TAOK3: variants seen among roughly 807,000 people sequenced by gnomAD.
TAOK3 encodes TAO kinase 3.
In TAOK3, 40 loss-of-function variants were observed where a neutral mutation model predicts 120.4. The observed-to-expected ratio is 0.33, with a 90% CI of 0.26 to 0.43. TAOK3 has a LOEUF of 0.43. TAOK3 is among the 20% of genes least tolerant of loss of function. TAOK3 has a pLI of 1.00. For synonymous variants in TAOK3, 355 were observed against 387.5 expected (o/e 0.92, Z 0.99); for missense variants, 821 against 1,112.1 (o/e 0.74, Z 3.72).
At chr12:118,283,741 A>AAAC (rs894227981) in intron 1 of TAOK3, 23 of 205,358 alleles carry the variant, frequency 1.1e-4, no homozygotes, top group East Asian at 7.8e-4. Context: ...AAACAAAACA[A>AAAC]AACAACAACA....
intron 1 of TAOK3, among the ~76,000 whole-genome samples, chr12:118,367,173 A>G (rs1168606081): frequency 6.6e-6 from 1 of 152,350 alleles, no homozygotes. Flanking sequence ...CTAATCTCTG[A>G]TAACAAATAA....
intron 9 of TAOK3, among the ~76,000 whole-genome samples, chr12:118,226,307 C>T (rs571932765): frequency 4.9e-4 from 75 of 152,090 alleles, no homozygotes; most frequent in Non-Finnish European, 9.4e-4. Context: ...ACCCGGGAGG[C>T]GGAGCTTGCA....
intron 9 of TAOK3, among the ~76,000 whole-genome samples, chr12:118,225,016 G>A (rs1164852709): frequency 6.6e-6 from 1 of 152,068 alleles, no homozygotes; most frequent in Non-Finnish European, 1.5e-5. Flanking sequence ...GGGAGGCTGA[G>A]GTGGGTGGAT....
chr12:118,288,968 G>A (rs1487153624), intron 1 of TAOK3, among the ~76,000 whole-genome samples: 1 of 148,894 alleles, frequency 6.7e-6, no homozygotes, highest in East Asian at 2.0e-4. Context: ...GCATGCTTAG[G>A]AACTATTTGG....
chr12:118,200,436 T>A (rs915647395), intron 12 of TAOK3: 1 of 152,156 alleles, frequency 6.6e-6, no homozygotes, highest in African/African-American at 2.4e-5. Context: ...TGCTGCCCAC[T>A]CTTACTTTTC....
At chr12:118,356,462 G>A (rs1290588629) in intron 1 of TAOK3, among the ~76,000 whole-genome samples, 1 of 151,898 alleles carries the variant, frequency 6.6e-6, no homozygotes, top group Non-Finnish European at 1.5e-5. Flanking sequence ...ACCACGCCCA[G>A]CTAATTTTTG....
At chr12:118,220,154 C>A (rs75526065) in intron 9 of TAOK3, among the ~76,000 whole-genome samples, 3,056 of 151,920 alleles carry the variant, frequency 0.02, 101 homozygotes, top group African/African-American at 0.07. Flanking sequence ...GCGATCCTCC[C>A]ACCTTAGCCT....
At chr12:118,277,659 C>T (rs1459156792) in intron 1 of TAOK3, among the ~76,000 whole-genome samples, 1 of 151,942 alleles carries the variant, frequency 6.6e-6, no homozygotes, top group Non-Finnish European at 1.5e-5. Context: ...CAAGGTGTCA[C>T]CATACTGGCC....
At chr12:118,356,410 A>G (rs2045396598) in intron 1 of TAOK3, among the ~76,000 whole-genome samples, 1 of 147,050 alleles carries the variant, frequency 6.8e-6, no homozygotes. Context: ...AGTGATTCTC[A>G]TGTCTCAGCC....
rs375879690 is a variant in TAOK3 at position 118,161,850 on chromosome 12, G to A, written c.2077C>T (p.Arg693Ter). The A allele has an allele frequency of 1.2e-6, 2 of 1,614,006 alleles. No homozygotes were observed. The highest frequency in any genetic ancestry group is 8.5e-7 in the Non-Finnish European group (1 of 1,180,028). The change falls in exon 18 of 21, where the codon CGA becomes TGA. Residue 693 changes from arginine (R) to a stop codon, truncating the protein, a stop_gained. Coordinates refer to ENST00000392533, the MANE Select transcript of TAOK3 (RefSeq NM_016281.4). LOFTEE classifies it high-confidence loss of function. This position sits in a 1 kb window ranked among gnomAD's most constrained non-coding sequence, Gnocchi z 4.5. ...LENQLEYNKR[R>*]ERELHRKHVM... ...TGCTTTCTGTGCAGTTCTCTTTCTC[G>A]CCTCTTATTGTACTCCAGCTGGTTT...
At chr12:118,243,385 G>T in intron 5 of TAOK3, 30 bp downstream of exon 5, 1 of 1,202,802 alleles carries the variant, frequency 8.3e-7, no homozygotes, top group Non-Finnish European at 1.2e-6. Context: ...AAATGTAATA[G>T]TAAAAGATAA....
intron 1 of TAOK3, among the ~76,000 whole-genome samples, chr12:118,275,051 C>T (rs1451489268): frequency 2.0e-5 from 3 of 152,156 alleles, no homozygotes; most frequent in Non-Finnish European, 4.4e-5. Context: ...GATGTGTCTA[C>T]ATAAATCCCA....
chr12:118,270,025 A>C (rs915857876), intron 1 of TAOK3, among the ~76,000 whole-genome samples: 1 of 152,144 alleles, frequency 6.6e-6, no homozygotes, highest in Non-Finnish European at 1.5e-5. Context: ...GTGTTCCTCT[A>C]AGGATTTCCC....
intron 9 of TAOK3, among the ~76,000 whole-genome samples, chr12:118,226,894 T>C (rs943734194): frequency 3.9e-5 from 6 of 152,192 alleles, no homozygotes; most frequent in Admixed American, 3.9e-4. Flanking sequence ...GGGTCTGTAC[T>C]TGTGTCCAAT....
chr12:118,152,290 A>G lies in TAOK3; in HGVS notation c.2472T>C (p.His824=), dbSNP rs2034504232. The change falls in exon 20 of 21, where the codon CAT becomes CAC. Residue 824 remains histidine (H), a synonymous_variant. Transcript: ENST00000392533. ...SKIKMQTEAQ[H]ERELQKLEQR... is the part of the protein sequence containing the mutation. ...GCTCTAGCTTCTGGAGCTCACGTTC[A>G]TGTTGTGCCTCTGTTTGCATCTTGA... 2 of 1,614,132 alleles carry G rather than the reference A, an allele frequency of 1.2e-6. No homozygotes were observed. Among genetic ancestry groups the G allele is most frequent in the African/African-American group, 1.3e-5 (1 of 75,032 alleles).
At chr12:118,215,335 A>AT (rs2038843808) in intron 9 of TAOK3, among the ~76,000 whole-genome samples, 1 of 148,442 alleles carries the variant, frequency 6.7e-6, no homozygotes, top group Non-Finnish European at 1.5e-5. Context: ...CTCTACAAAA[A>AT]AAAAAAAAAA....
chr12:118,273,653 A>C (rs2041804835), intron 1 of TAOK3, among the ~76,000 whole-genome samples: 2 of 152,142 alleles, frequency 1.3e-5, no homozygotes, highest in Admixed American at 6.5e-5. Context: ...GTCTCTACTG[A>C]AAATAGAAAA....
At chr12:118,223,843 T>C (rs1449703465) in intron 9 of TAOK3, among the ~76,000 whole-genome samples, 1 of 152,130 alleles carries the variant, frequency 6.6e-6, no homozygotes, top group African/African-American at 2.4e-5. Flanking sequence ...TTTTGCCATG[T>C]TGGCCAGGCT....
intron 1 of TAOK3, among the ~76,000 whole-genome samples, chr12:118,309,070 T>G (rs149244481): frequency 2.6e-4 from 39 of 151,940 alleles, no homozygotes; most frequent in African/African-American, 8.9e-4. Context: ...GGCTCACGCC[T>G]GTAATCCCAG....
Sources: gnomAD v4.1 joint callset for allele counts (sites outside exome capture counted in the v4.1 genomes callset) on GRCh38, gnomAD v4.1.1 for gene constraint, Gnocchi (gnomAD v3.1) non-coding constraint, MANE v1.5 for transcripts, NCBI Gene and HGNC (gene_info 2026-07-23, HGNC 2026-07-21) for gene names.